The following KHDC1 variants were observed in gnomAD, a reference collection of about 807,000 sequenced individuals.
KHDC1 encodes the protein KH homology domain-containing protein 1.
Under a neutral mutation model 24.7 loss-of-function variants are expected in KHDC1, and 21 were observed. The observed-to-expected ratio is 0.85, with a 90% confidence interval of 0.60 to 1.23. The LOEUF is 1.23. KHDC1 is among the 50% of genes most tolerant of loss of function. The pLI is 0.00. For synonymous variants in KHDC1, 98 were observed against 111.7 expected (o/e 0.88, Z 0.77); for missense variants, 274 against 298.5 (o/e 0.92, Z 0.61).
intron 2 of KHDC1, chr6:73,268,208 C>G (rs1260399124): frequency 6.5e-6 from 1 of 152,760 alleles, no homozygotes; most frequent in Admixed American, 6.6e-5. Context: ...TTCGTAGTCT[C>G]CCTGGCTCAG....
In KHDC1 at chr6:73,253,071, G is replaced by C. The variant is rs115982151; in HGVS notation, c.207-10541C>G. 7.9e-3 allele frequency among the ~76,000 whole-genome samples: 1,203 copies of C among 152,138 alleles called. 17 individuals carry two copies. Among genetic ancestry groups the C allele is most frequent in the African/African-American group, 0.027 (1,130 of 41,500 alleles). Reference sequence around the variant, plus strand: ...CTTAGTCCTATCTATGTACTAAATAGTACAATACTTCAATAAATAAAAGGC... The same window carrying C: ...CTTAGTCCTATCTATGTACTAAATACTACAATACTTCAATAAATAAAAGGC... On this transcript the variant is annotated intron_variant, in intron 2 of 4. Coordinates refer to ENST00000370384, the Ensembl canonical transcript of KHDC1.
At chr6:73,288,735 A>G (rs1434901141) in intron 2 of KHDC1, among the ~76,000 whole-genome samples, 1 of 146,948 alleles carries the variant, frequency 6.8e-6, no homozygotes, top group East Asian at 2.1e-4. Context: ...GTAGAAGGGT[A>G]TGATGGCATA....
chr6:73,272,425 G>T (rs546990485), intron 2 of KHDC1, among the ~76,000 whole-genome samples: 1 of 151,290 alleles, frequency 6.6e-6, no homozygotes, highest in East Asian at 2.0e-4. Context: ...GTGAGCCACC[G>T]CGCCCAGCCC....
chr6:73,270,859 T>A (rs1767165408), intron 2 of KHDC1, among the ~76,000 whole-genome samples: 1 of 151,596 alleles, frequency 6.6e-6, no homozygotes, highest in South Asian at 2.1e-4. Flanking sequence ...CCTGGCTAAT[T>A]TTTTGTATTT....
chr6:73,256,383 T>C (rs1191592463), intron 2 of KHDC1, among the ~76,000 whole-genome samples: 1 of 152,210 alleles, frequency 6.6e-6, no homozygotes, highest in Non-Finnish European at 1.5e-5. Context: ...AAAATGGCCA[T>C]TATGTGTAGA....
intron 2 of KHDC1, among the ~76,000 whole-genome samples, chr6:73,252,925 C>T (rs1361171277): frequency 2.0e-5 from 3 of 152,026 alleles, no homozygotes; most frequent in Admixed American, 2.0e-4. Context: ...TTTATAAACA[C>T]ATATTGAATT....
At chr6:73,306,021 A>G (rs1767955935) in intron 1 of KHDC1, among the ~76,000 whole-genome samples, 1 of 152,200 alleles carries the variant, frequency 6.6e-6, no homozygotes. Context: ...GTTATTAGTT[A>G]TGAAAGCAGG....
At chr6:73,302,686 A>T (rs1239961640) in intron 1 of KHDC1, among the ~76,000 whole-genome samples, 1 of 152,218 alleles carries the variant, frequency 6.6e-6, no homozygotes, top group African/African-American at 2.4e-5. Flanking sequence ...TTTCAGTTCT[A>T]TTATAGTCTG....
chr6:73,251,043 C>T (rs375566401), intron 2 of KHDC1, among the ~76,000 whole-genome samples: 17 of 152,024 alleles, frequency 1.1e-4, no homozygotes, highest in African/African-American at 2.9e-4. Context: ...AGGCTGCTAT[C>T]GTCAAACTCC....
At chr6:73,285,573 A>G (rs1177150726) in intron 2 of KHDC1, among the ~76,000 whole-genome samples, 8 of 151,556 alleles carry the variant, frequency 5.3e-5, no homozygotes, top group Non-Finnish European at 1.2e-4. Flanking sequence ...ACATCAGGTG[A>G]TCTGCCTGCC....
At chr6:73,296,125 G>C (rs1767754857) in intron 1 of KHDC1, among the ~76,000 whole-genome samples, 2 of 151,796 alleles carry the variant, frequency 1.3e-5, no homozygotes, top group African/African-American at 4.8e-5. Flanking sequence ...CTGGGTGATA[G>C]AGTGAGACTG....
chr6:73,290,676 T>C, intron 2 of KHDC1: 1 of 444,892 alleles, frequency 2.2e-6, no homozygotes, highest in Non-Finnish European at 4.4e-6. Flanking sequence ...TGCTGAAGTT[T>C]GCTGCTGCTG....
chr6:73,271,657 GCCGAGGTGGGTGGAT>G (rs879870762), intron 2 of KHDC1, among the ~76,000 whole-genome samples: 1 of 150,964 alleles, frequency 6.6e-6, no homozygotes, highest in African/African-American at 2.4e-5. Flanking sequence ...ACTATGGGAG[GCCGAGGTGGGTGGAT>G]CACCTGAGGT....
intron 2 of KHDC1, among the ~76,000 whole-genome samples, chr6:73,290,179 A>T (rs1423834217): frequency 6.6e-6 from 1 of 150,700 alleles, no homozygotes; most frequent in Non-Finnish European, 1.5e-5. Context: ...CGGGAAGCTG[A>T]GGCAGGGAAA....
chr6:73,247,128 C>A (rs1562244959), intron 2 of KHDC1, among the ~76,000 whole-genome samples: 1 of 151,920 alleles, frequency 6.6e-6, no homozygotes, highest in African/African-American at 2.4e-5. Context: ...CAGGCATGAA[C>A]CACCATGCCC....
chr6:73,274,501 C>T (rs1354954309), intron 2 of KHDC1: 1 of 152,162 alleles, frequency 6.6e-6, no homozygotes, highest in Non-Finnish European at 1.5e-5. Flanking sequence ...AGGGCAAGAC[C>T]AGGTGGAAGT....
chr6:73,259,134 C>T (rs570143030), intron 2 of KHDC1, among the ~76,000 whole-genome samples: 1 of 152,164 alleles, frequency 6.6e-6, no homozygotes, highest in African/African-American at 2.4e-5. Context: ...CTTAAGGGAA[C>T]CTGGTGGCTT....
In KHDC1 at chr6:73,290,106, C is replaced by CAAAAAA. The variant is rs140342387; in HGVS notation, c.206+1886_206+1891dup. ...TGGGCAACAGAGCGAGACTCCGTCT[C>CAAAAAA]AAAAAAAAAAAAAAAAAAAAATTAG... On this transcript the variant is annotated intron_variant, in intron 2 of 4. Transcript: ENST00000370384. Among the ~76,000 whole-genome samples the CAAAAAA allele has an allele frequency of 3.1e-3, 270 of 86,432 alleles. 2 individuals are homozygous for CAAAAAA. The highest frequency in any genetic ancestry group is 0.013 in the African/African-American group (251 of 19,430). 56.7% of individuals were successfully genotyped at this position (86,432 alleles called of 152,430 possible).
At chr6:73,300,199 C>A (rs1767848768) in intron 1 of KHDC1, 1 of 152,342 alleles carries the variant, frequency 6.6e-6, no homozygotes, top group Admixed American at 6.6e-5. Context: ...GGCAGTGTCA[C>A]TCTTCAGGAT....
Sources: allele counts gnomAD v4.1 joint callset (sites outside exome capture counted in the v4.1 genomes callset), GRCh38; gene constraint gnomAD v4.1.1; transcripts MANE v1.5; gene names NCBI Gene and HGNC (gene_info 2026-07-23, HGNC 2026-07-21).